The following CFAP73 variants were observed in gnomAD, a reference collection of about 807,000 sequenced individuals.
CFAP73 encodes the protein cilia and flagella associated protein 73.
A neutral mutation model predicts 42.9 loss-of-function variants in CFAP73; 33 were observed. The observed-to-expected ratio is 0.77, with a 90% CI of 0.58 to 1.03. The LOEUF (loss-of-function observed/expected upper bound fraction) is 1.03. CFAP73 is among the 50% of genes least tolerant of loss of function. The pLI is 0.00. For missense variants in CFAP73, 392 were observed against 411.9 expected (o/e 0.95, Z 0.42); for synonymous variants, 162 against 186.8 (o/e 0.87, Z 1.08).
chr12:113,151,891 C>T (rs1329756305), intron 1 of CFAP73, 27 bp from the exon 2 acceptor site: 13 of 1,502,994 alleles, frequency 8.6e-6, no homozygotes, highest in Non-Finnish European at 1.2e-5. Flanking sequence ...CTTCCTTCAC[C>T]CCCACCTCCT....
chr12:113,153,069 G>T, intron 3 of CFAP73, 139 bp from the exon 4 acceptor site: 1 of 984,840 alleles, frequency 1.0e-6, no homozygotes, highest in Non-Finnish European at 1.4e-6. Context: ...CGGGGGAGTT[G>T]GGTGAAGAGC....
At chr12:113,155,563 T>C (rs892191165) in intron 6 of CFAP73, 145 bp downstream of exon 6, 11 of 905,558 alleles carry the variant, frequency 1.2e-5, no homozygotes, top group South Asian at 4.6e-5. Context: ...CGTGGCTCGA[T>C]TGTCGGGCAG....
In CFAP73 at chr12:113,153,350, T is replaced by C. The variant is rs1254056713; in HGVS notation, c.410T>C (p.Leu137Pro). 23 of 1,506,534 alleles carry C rather than the reference T, an allele frequency of 1.5e-5. No homozygotes were observed. Among genetic ancestry groups the C allele is most frequent in the Non-Finnish European group, 1.9e-5 (22 of 1,133,232 alleles). The allele number at this position is 1,506,534 out of a possible 1,614,324, so 93.3% of individuals were successfully genotyped here. A position where few individuals can be genotyped will look rare whatever the true frequency, so the allele number is the denominator to read the frequency against. The change falls in exon 4 of 8, where the codon CTT becomes CCT. Residue 137 changes from leucine to proline, a missense_variant. Coordinates refer to ENST00000335621, the MANE Select transcript of CFAP73 (RefSeq NM_001144872.3). ...GAACACGCGCGGCTGCAGCGCCGGC[T>C]TAAGCGCCTGGAGCCCTGCGCGCGC... ...RREHARLQRR[L>P]KRLEPCARLL...
chr12:113,159,094 T>C lies in CFAP73; in HGVS notation c.*405T>C, dbSNP rs1277893892. On this transcript the variant is annotated 3_prime_UTR_variant, in exon 8 of 8. Coordinates refer to ENST00000335621, the MANE Select transcript of CFAP73 (RefSeq NM_001144872.3). Reference sequence around the variant, plus strand: ...TCGGCCTGCAGGGGTGCCTGGGGCGTGGGGCCGGGATGCACCTGCTGGGAC... The same window carrying C: ...TCGGCCTGCAGGGGTGCCTGGGGCGCGGGGCCGGGATGCACCTGCTGGGAC... The C allele has an allele frequency of 6.2e-7, 1 of 1,601,050 alleles. No homozygotes were observed. Among genetic ancestry groups the C allele is most frequent in the Non-Finnish European group, 8.5e-7 (1 of 1,174,836 alleles).
At chr12:113,153,857 C>G (rs1482828744) in intron 4 of CFAP73, among the ~76,000 whole-genome samples, 1 of 152,122 alleles carries the variant, frequency 6.6e-6, no homozygotes, top group Non-Finnish European at 1.5e-5. Flanking sequence ...CACCTCCGCT[C>G]CCAAAGTGCT....
At chr12:113,152,670 A>C in intron 2 of CFAP73, 113 bp from the exon 3 acceptor site, 1 of 727,716 alleles carries the variant, frequency 1.4e-6, no homozygotes, top group Non-Finnish European at 2.4e-6. Flanking sequence ...TGGGTTGAGC[A>C]GGGAGCAGCC....
At position 113,154,700 on chromosome 12, in the gene CFAP73, C is replaced by T; in HGVS notation, c.690+65C>T. On this transcript the variant is annotated intron_variant, in intron 5 of 7. Coordinates refer to ENST00000335621, the MANE Select transcript of CFAP73 (RefSeq NM_001144872.3). The surrounding 1 kb of genome is among the most constrained non-coding windows in gnomAD (Gnocchi z 4.7). ...GCTTCCACAGCCGGGCGGGGAGGAACGCCAGGGCTGATGAGGACCGATGGG... is the reference window on the plus strand; with the variant it reads ...GCTTCCACAGCCGGGCGGGGAGGAATGCCAGGGCTGATGAGGACCGATGGG... 7.3e-7 allele frequency: 1 copy of T among 1,376,792 alleles called. No individual in the cohort carries two copies. Among genetic ancestry groups the T allele is most frequent in the Non-Finnish European group, 9.3e-7 (1 of 1,074,228 alleles). The allele number at this position is 1,376,792 out of a possible 1,614,324, so 85.3% of individuals were successfully genotyped here. A position where few individuals can be genotyped will look rare whatever the true frequency, so the allele number is the denominator to read the frequency against.
At position 113,151,959 on chromosome 12, in the gene CFAP73, T is replaced by C. The variant is rs1952066031; in HGVS notation, c.98T>C (p.Leu33Pro). ...GCTGAGGATCATGTCCCACCAGTACTGCGTCTCCTGGAGAAGAGGCAAGAG... is the reference window on the plus strand; with the variant it reads ...GCTGAGGATCATGTCCCACCAGTACCGCGTCTCCTGGAGAAGAGGCAAGAG... The part of the protein sequence containing the change: ...EQAEDHVPPV[L>P]RLLEKRQELV... Residue 33 changes from leucine (L) to proline (P), a missense_variant, in exon 2 of 8, where the codon CTG becomes CCG. Physicochemically the swap from Leu to Pro is moderately conservative, Grantham distance 98 (BLOSUM62 -3). Transcript: ENST00000335621. 1 of 1,551,524 alleles carries C rather than the reference T, an allele frequency of 6.4e-7. No homozygotes were observed. Among genetic ancestry groups the C allele is most frequent in the Non-Finnish European group, 8.7e-7 (1 of 1,146,982 alleles).
intron 6 of CFAP73, among the ~76,000 whole-genome samples, chr12:113,156,140 GA>G (rs1952122882): frequency 6.6e-6 from 1 of 151,858 alleles, no homozygotes; most frequent in Admixed American, 6.6e-5. Flanking sequence ...GGCTGGTCTC[GA>G]AATCCCAACC....
chr12:113,158,741 C>G lies in CFAP73; in HGVS notation c.*52C>G. The G allele has an allele frequency of 9.9e-7, 1 of 1,007,096 alleles. No homozygotes were observed. The highest frequency in any genetic ancestry group is 1.6e-5 in the African/African-American group (1 of 61,366). 62.4% of individuals were successfully genotyped at this position (1,007,096 alleles called of 1,614,324 possible). A position where few individuals can be genotyped will look rare whatever the true frequency, so the allele number is the denominator to read the frequency against. ...GCCCTTCTGTGGCCATACAGTGCTC[C>G]TTTTCACAGATGATGGCTCCTGCAG... On this transcript the variant is annotated 3_prime_UTR_variant, in exon 8 of 8. Coordinates refer to ENST00000335621, the MANE Select transcript of CFAP73 (RefSeq NM_001144872.3). This position sits in a 1 kb window ranked among gnomAD's most constrained non-coding sequence, Gnocchi z 4.9.
intron 6 of CFAP73, among the ~76,000 whole-genome samples, chr12:113,156,130 G>C (rs1160555663): frequency 3.9e-5 from 6 of 152,018 alleles, no homozygotes; most frequent in Admixed American, 3.9e-4. Flanking sequence ...AGGTTGGCCA[G>C]GCTGGTCTCG....
At chr12:113,151,897 C>T (rs1304587714) in intron 1 of CFAP73, 21 bp from the exon 2 acceptor site, 5 of 1,527,434 alleles carry the variant, frequency 3.3e-6, no homozygotes, top group Non-Finnish European at 3.6e-6. Context: ...TCACCCCCAC[C>T]TCCTACTTGA....
chr12:113,155,741 C>A (rs1158774854), intron 6 of CFAP73, among the ~76,000 whole-genome samples: 1 of 152,056 alleles, frequency 6.6e-6, no homozygotes, highest in Admixed American at 6.6e-5. Flanking sequence ...GTGCTGAGTC[C>A]CTCTTTTCTC....
chr12:113,153,218 C>A lies in CFAP73; in HGVS notation c.278C>A (p.Ala93Asp), dbSNP rs1174341825. 3.3e-6 allele frequency: 5 copies of A among 1,518,302 alleles called. No individual in the cohort carries two copies. Among genetic ancestry groups the A allele is most frequent in the Non-Finnish European group, 4.4e-6 (5 of 1,139,714 alleles). 94.1% of individuals were successfully genotyped at this position (1,518,302 alleles called of 1,614,324 possible). Residue 93 changes from alanine to aspartate, a missense_variant, in exon 4 of 8, where the codon GCC (alanine) becomes GAC (aspartate). Coordinates refer to ENST00000335621, the MANE Select transcript of CFAP73 (RefSeq NM_001144872.3). ...CACCGTACTCCCCAGGACTCCGAGG[C>A]CCGGCGCAATCGCGCGCTGCGGAGG... ...RFDKFLQDSE[A>D]RRNRALRRAA...
chr12:113,152,778 C>T lies in CFAP73; in HGVS notation c.163-5C>T, dbSNP rs1437427640. Reference sequence around the variant, plus strand: ...CCACACAGACAACCCACTCCTCACCCCCAGGTGTTCCGCACCAAGACGGCA... The same window carrying T: ...CCACACAGACAACCCACTCCTCACCTCCAGGTGTTCCGCACCAAGACGGCA... On this transcript the variant is annotated splice_polypyrimidine_tract_variant and splice_region_variant and intron_variant, in intron 2 of 7. Transcript: ENST00000335621. The T allele has an allele frequency of 1.3e-6, 2 of 1,550,318 alleles. No individual in the cohort carries two copies. The highest frequency in any genetic ancestry group is 1.4e-5 in the African/African-American group (1 of 72,992).
intron 2 of CFAP73, 99 bp from the exon 3 acceptor site, chr12:113,152,684 G>A: frequency 2.4e-6 from 2 of 834,520 alleles, no homozygotes; most frequent in Non-Finnish European, 3.9e-6. Flanking sequence ...AGCAGCCACA[G>A]ATCAGGGACA....
At position 113,154,574 on chromosome 12, in the gene CFAP73, G is replaced by T. The variant is rs1016193020; in HGVS notation, c.629G>T (p.Gly210Val). Reference protein sequence around the residue: ...DAWPDEVLAQGQRRAQLQERL... With the variant: ...DAWPDEVLAQVQRRAQLQERL... ...TGGCCGGACGAGGTGCTCGCACAGG[G>T]CCAGCGGCGGGCACAGCTGCAGGAG... The change falls in exon 5 of 8, where the codon GGC (glycine) becomes GTC (valine). Residue 210 changes from glycine to valine, a missense_variant. Coordinates refer to ENST00000335621, the MANE Select transcript of CFAP73 (RefSeq NM_001144872.3). This position sits in a 1 kb window ranked among gnomAD's most constrained non-coding sequence, Gnocchi z 4.7. 1.2e-5 allele frequency: 17 copies of T among 1,436,826 alleles called. No homozygotes were observed. Among genetic ancestry groups the T allele is most frequent in the Non-Finnish European group, 1.5e-5 (17 of 1,106,610 alleles). The allele number at this position is 1,436,826 out of a possible 1,614,324, so 89.0% of individuals were successfully genotyped here. A position where few individuals can be genotyped will look rare whatever the true frequency, so the allele number is the denominator to read the frequency against.
At chr12:113,152,951 C>A in intron 3 of CFAP73, 64 bp downstream of exon 3, 1 of 1,142,582 alleles carries the variant, frequency 8.8e-7, no homozygotes, top group Non-Finnish European at 1.3e-6. Context: ...CCTATAGGGG[C>A]CCGGCAGGTA....
At chr12:113,153,066 G>A in intron 3 of CFAP73, 142 bp from the exon 4 acceptor site, 2 of 969,280 alleles carry the variant, frequency 2.1e-6, no homozygotes, top group South Asian at 3.5e-5. Context: ...GGGCGGGGGA[G>A]TTGGGTGAAG....
Sources: allele counts gnomAD v4.1 joint callset (sites outside exome capture counted in the v4.1 genomes callset), GRCh38; gene constraint gnomAD v4.1.1; non-coding constraint Gnocchi (gnomAD v3.1); transcripts MANE v1.5; gene names NCBI Gene and HGNC (gene_info 2026-07-23, HGNC 2026-07-21).